The following ITSN2 variants were observed in gnomAD, a reference collection of about 807,000 sequenced individuals.
ITSN2 encodes the protein intersectin 2, also known as intersectin-2.
ITSN2 carries 156 observed loss-of-function variants against 243.7 expected under a neutral mutation model. That is an observed-to-expected ratio of 0.64 (90% CI 0.56 to 0.73). ITSN2 has a LOEUF of 0.73. ITSN2 is among the 30% of genes least tolerant of loss of function. The pLI, the probability that ITSN2 is intolerant of heterozygous loss-of-function variation, is 0.00. For synonymous variants in ITSN2, 703 were observed against 699.9 expected (o/e 1.00, Z -0.07); for missense variants, 1,801 against 1,996.1 (o/e 0.90, Z 1.86).
chr2:24,204,831 T>C lies in ITSN2; in HGVS notation c.4762+383A>G. ...TGTTAGAAAGCATTCCTTTATTCAG[T>C]GTTCAGAAGAGTCATCAGTGGCTGG... On this transcript the variant is annotated intron_variant, in intron 38 of 39. Coordinates refer to ENST00000355123, the MANE Select transcript of ITSN2 (RefSeq NM_006277.3). The surrounding 1 kb of genome is among the most constrained non-coding windows in gnomAD (Gnocchi z 5.1). The C allele has an allele frequency of 2.3e-6, 1 of 432,406 alleles. No individual in the cohort carries two copies. Among genetic ancestry groups the C allele is most frequent in the Non-Finnish European group, 4.7e-6 (1 of 213,238 alleles). 26.8% of individuals were successfully genotyped at this position (432,406 alleles called of 1,614,324 possible).
intron 2 of ITSN2, among the ~76,000 whole-genome samples, chr2:24,323,886 TAG>T (rs1288779235): frequency 6.6e-6 from 1 of 152,214 alleles, no homozygotes; most frequent in African/African-American, 2.4e-5. Context: ...TAAGGCTCTT[TAG>T]TTAGAAACCT....
rs2303291 is a variant in ITSN2, at chr2:24,208,315, C to T, written c.4600G>A (p.Ala1534Thr). 0.24 allele frequency: 379,780 copies of T among 1,610,200 alleles called. 48,256 individuals are homozygous for T. The highest frequency in any genetic ancestry group is 0.26 in the Non-Finnish European group (311,797 of 1,178,342). Reference sequence around the variant, plus strand: ...GCCGCCTTGATCTTCTGCACCCAGGCGGTCCTACGGGAGAAGCAGGGGCAG... The same window carrying T: ...GCCGCCTTGATCTTCTGCACCCAGGTGGTCCTACGGGAGAAGCAGGGGCAG... ...LRTDNINERT[A>T]WVQKIKAASE... is the part of the protein sequence containing the mutation. Residue 1534 changes from alanine to threonine, a missense_variant, in exon 37 of 40, where the codon GCC becomes ACC. By Grantham distance (58) the Ala-to-Thr change is moderately conservative. Coordinates refer to ENST00000355123, the MANE Select transcript of ITSN2 (RefSeq NM_006277.3).
At chr2:24,359,676 G>A (rs983444741) in intron 1 of ITSN2, among the ~76,000 whole-genome samples, 1 of 152,072 alleles carries the variant, frequency 6.6e-6, no homozygotes. Context: ...TCTGGCCTGA[G>A]AGATTACATC....
chr2:24,318,608 C>T lies in ITSN2; in HGVS notation c.32-3384G>A, dbSNP rs373112455. Among the ~76,000 whole-genome samples the T allele has an allele frequency of 3.7e-4, 57 of 152,282 alleles. 1 individual carries two copies. The South Asian group carries it at 0.011, about 29-fold the overall frequency. On this transcript the variant is annotated intron_variant, in intron 2 of 39. Transcript: ENST00000355123. ...AGGATTCATTGCTTATTAGCTGCTT[C>T]CTCCCTAATGATCAGGGCTAAAGGG...
chr2:24,298,909 A>G lies in ITSN2; in HGVS notation c.1345-95T>C. 5 of 1,166,110 alleles carry G rather than the reference A, an allele frequency of 4.3e-6. No individual in the cohort carries two copies. The South Asian group carries it at 6.3e-5, about 15-fold the overall frequency. 72.2% of individuals were successfully genotyped at this position (1,166,110 alleles called of 1,614,324 possible). A position where few individuals can be genotyped will look rare whatever the true frequency, so the allele number is the denominator to read the frequency against. On this transcript the variant is annotated intron_variant, in intron 12 of 39. Coordinates refer to ENST00000355123, the MANE Select transcript of ITSN2 (RefSeq NM_006277.3). ...CAACAATAAAAGTCAGGCAGAGTTT[A>G]GCACTTAGTGGCTTTAGTGCCTAAG...
chr2:24,303,966 G>T, intron 8 of ITSN2, 104 bp from the exon 9 acceptor site: 1 of 830,418 alleles, frequency 1.2e-6, no homozygotes, highest in Non-Finnish European at 2.0e-6. Flanking sequence ...AGGGTATCCT[G>T]GGAACTTTTA....
chr2:24,306,776 T>C (rs920666832), intron 8 of ITSN2, among the ~76,000 whole-genome samples: 5 of 152,228 alleles, frequency 3.3e-5, no homozygotes, highest in South Asian at 4.1e-4. Context: ...GTTGGGACTA[T>C]AGGCACATGC....
chr2:24,334,839 G>A (rs537594274), intron 1 of ITSN2: 211 of 744,152 alleles, frequency 2.8e-4, no homozygotes, highest in Non-Finnish European at 4.3e-4. Context: ...CGAGGCGGGC[G>A]GATCACGAGG....
At chr2:24,260,458 T>G (rs1675681571) in intron 22 of ITSN2, among the ~76,000 whole-genome samples, 1 of 148,966 alleles carries the variant, frequency 6.7e-6, no homozygotes, top group African/African-American at 2.5e-5. Context: ...CCAAATAACT[T>G]TAAGAAAAAA....
intron 2 of ITSN2, 128 bp from the exon 3 acceptor site, chr2:24,315,352 A>G (rs1683779340): frequency 1.8e-6 from 1 of 544,070 alleles, no homozygotes; most frequent in South Asian, 2.8e-5. Context: ...CACAAAGAGT[A>G]GAGCTCTATC....
chr2:24,340,759 C>T (rs1305597907), intron 1 of ITSN2, among the ~76,000 whole-genome samples: 1 of 152,046 alleles, frequency 6.6e-6, no homozygotes, highest in Non-Finnish European at 1.5e-5. Flanking sequence ...AAAACACACA[C>T]ACACACACAC....
At chr2:24,321,412 T>G (rs184975593) in intron 2 of ITSN2, among the ~76,000 whole-genome samples, 150 of 152,342 alleles carry the variant, frequency 9.8e-4, no homozygotes, top group Non-Finnish European at 1.8e-3. Flanking sequence ...GAAAAGTAGG[T>G]GCTCACTGTA....
rs765724763 is a variant in ITSN2 at position 24,275,757 on chromosome 2, T to A, written c.2037A>T (p.Arg679Ser). 6.2e-7 allele frequency: 1 copy of A among 1,612,370 alleles called. No homozygotes were observed. The highest frequency in any genetic ancestry group is 1.1e-5 in the South Asian group (1 of 91,024). The change falls in exon 18 of 40, where the codon AGA (arginine) becomes AGT (serine). Residue 679 changes from arginine (R) to serine (S), a missense_variant. Arg to Ser is a moderately radical substitution (Grantham distance 110). Around this residue, in one of 5 missense-constraint regions of ITSN2, gnomAD observed 787 missense variants for 803.9 expected, o/e 0.98. Coordinates refer to ENST00000355123, the MANE Select transcript of ITSN2 (RefSeq NM_006277.3). ...RDKLKEIERK[R>S]LELMQKKKLE... is the part of the protein sequence containing the mutation. ...GTTTCTTTTTCTGCATTAGTTCTAA[T>A]CTTTTCCTTTCAATTTCCTTCAACT...
intron 18 of ITSN2, among the ~76,000 whole-genome samples, chr2:24,274,099 A>G (rs148465709): frequency 2.1e-4 from 32 of 152,352 alleles, no homozygotes; most frequent in African/African-American, 7.7e-4. Context: ...AGGTAACTGC[A>G]TATGTCAATA....
chr2:24,206,773 C>T (rs982574029), intron 37 of ITSN2, among the ~76,000 whole-genome samples: 8 of 152,008 alleles, frequency 5.3e-5, no homozygotes, highest in Non-Finnish European at 7.4e-5. Flanking sequence ...ACTGAGAGGG[C>T]GCAAGCAGAG....
At chr2:24,326,406 T>C (rs1377151128) in intron 2 of ITSN2, among the ~76,000 whole-genome samples, 6 of 152,186 alleles carry the variant, frequency 3.9e-5, no homozygotes. Flanking sequence ...CTGTACTGCT[T>C]TATGTTCATT....
At position 24,261,718 on chromosome 2, in the gene ITSN2, G is replaced by C; in HGVS notation, c.2380C>G (p.Pro794Ala). 1 of 1,612,716 alleles carries C rather than the reference G, an allele frequency of 6.2e-7. No individual in the cohort carries two copies. The highest frequency in any genetic ancestry group is 8.5e-7 in the Non-Finnish European group (1 of 1,179,510). The change falls in exon 21 of 40, where the codon CCT (proline) becomes GCT (alanine). Residue 794 changes from proline to alanine, a missense_variant. Around this residue, in one of 5 missense-constraint regions of ITSN2, gnomAD observed 787 missense variants for 803.9 expected, o/e 0.98. Coordinates refer to ENST00000355123, the MANE Select transcript of ITSN2 (RefSeq NM_006277.3). ...IQVDEKTVGE[P>A]GWLYGSFQGN... ...TGAAAACTACCATAAAGCCAACCAGGTTCTCCTACGGTTTTTTCATCAACC... is the reference window on the plus strand; with the variant it reads ...TGAAAACTACCATAAAGCCAACCAGCTTCTCCTACGGTTTTTTCATCAACC...
intron 8 of ITSN2, among the ~76,000 whole-genome samples, chr2:24,304,980 T>C (rs951961451): frequency 6.6e-6 from 1 of 152,242 alleles, no homozygotes; most frequent in Admixed American, 6.5e-5. Flanking sequence ...CCCTCAATTC[T>C]TTACTTTGTA....
chr2:24,228,114 T>C (rs1573928482), intron 29 of ITSN2, among the ~76,000 whole-genome samples: 2 of 152,086 alleles, frequency 1.3e-5, no homozygotes. Flanking sequence ...AATAAATCCA[T>C]ACCAGAACAC....
Sources: gnomAD v4.1 joint callset for allele counts (sites outside exome capture counted in the v4.1 genomes callset) on GRCh38, gnomAD v4.1.1 for gene constraint, gnomAD v4.1.1 regional missense constraint, Gnocchi (gnomAD v3.1) non-coding constraint, MANE v1.5 for transcripts, NCBI Gene and HGNC (gene_info 2026-07-23, HGNC 2026-07-21) for gene names.